The following SORBS2 variants were observed in gnomAD, a reference collection of about 807,000 sequenced individuals.
The protein encoded by SORBS2 is sorbin and SH3 domain containing 2.
SORBS2 carries 46 observed loss-of-function variants against 97.7 expected under a neutral mutation model. The ratio of observed to expected loss-of-function variants is 0.47; its 90% CI spans 0.37 to 0.60. The LOEUF (loss-of-function observed/expected upper bound fraction) is 0.60, where lower values mean the gene tolerates loss of function less well. Among genes scored for constraint, SORBS2 ranks in the 20% least tolerant of loss-of-function variants. The pLI, the probability that SORBS2 is intolerant of heterozygous loss-of-function variation, is 0.00. For synonymous variants in SORBS2, 476 were observed against 473.4 expected (o/e 1.01, Z -0.07); for missense variants, 1,316 against 1,282.3 (o/e 1.03, Z -0.40).
chr4:185,779,605 C>T lies in SORBS2; in HGVS notation c.-337-4239G>A, dbSNP rs78917962. On this transcript the variant is annotated intron_variant, in intron 1 of 20. Coordinates refer to the SORBS2 transcript ENST00000284776. ...ACAGAATTCTCAATTGATTCCTCAT[C>T]GCTTCCTATTATTTGAGAGGATCCC... is the stretch of plus-strand genomic sequence containing the variant. Among the ~76,000 whole-genome samples the T allele has an allele frequency of 9.6e-3, 1,468 of 152,260 alleles. 7 individuals carry two copies. The highest frequency in any genetic ancestry group is 0.02 in the Middle Eastern group (6 of 294).
intron 1 of SORBS2, among the ~76,000 whole-genome samples, chr4:185,779,322 T>C (rs563640054): frequency 1.3e-5 from 2 of 152,296 alleles, no homozygotes; most frequent in East Asian, 3.9e-4. Flanking sequence ...CCTTTTTTTA[T>C]TGGGTTGTTG....
chr4:185,915,966 G>C (rs1362272921), intron 1 of SORBS2, among the ~76,000 whole-genome samples: 1 of 152,198 alleles, frequency 6.6e-6, no homozygotes, highest in Non-Finnish European at 1.5e-5. Flanking sequence ...GGAAGAAGCA[G>C]CATAAGCAAA....
intron 1 of SORBS2, among the ~76,000 whole-genome samples, chr4:185,920,689 T>C (rs2099260553): frequency 1.3e-5 from 2 of 152,232 alleles, no homozygotes; most frequent in African/African-American, 2.4e-5. Context: ...AAATAGTGTA[T>C]CTGCGAATTT....
At chr4:185,764,168 T>C (rs2098920874) in intron 2 of SORBS2, among the ~76,000 whole-genome samples, 1 of 152,206 alleles carries the variant, frequency 6.6e-6, no homozygotes, top group Admixed American at 6.5e-5. Flanking sequence ...ATATCACTGC[T>C]CTCCATAGTC....
At chr4:185,656,762 G>A in exon 1 of SORBS2, 1 of 1,516,814 alleles carries the variant, frequency 6.6e-7, no homozygotes, top group Non-Finnish European at 8.8e-7. Context: ...TTGCCGGAAG[G>A]GGCTGCCCAG....
At chr4:185,649,555 A>T in exon 3 of SORBS2, 2 of 1,606,638 alleles carry the variant, frequency 1.2e-6, no homozygotes, top group Non-Finnish European at 1.7e-6. Flanking sequence ...GCATCCTTAA[A>T]GGCATTGGGG....
chr4:185,614,919 G>A (rs2096605110), exon 11 of SORBS2: 2 of 1,614,040 alleles, frequency 1.2e-6, no homozygotes, highest in Admixed American at 1.7e-5. Context: ...GGCTGGCGGA[G>A]GTGGTCTTGC....
intron 1 of SORBS2, among the ~76,000 whole-genome samples, chr4:185,939,012 C>A (rs1033924301): frequency 6.6e-6 from 1 of 152,188 alleles, no homozygotes; most frequent in African/African-American, 2.4e-5. Flanking sequence ...AACAGATTTC[C>A]CGATAAATAC....
At chr4:185,927,346 T>C (rs2099264224) in intron 1 of SORBS2, among the ~76,000 whole-genome samples, 1 of 152,096 alleles carries the variant, frequency 6.6e-6, no homozygotes. Context: ...AGTATACACA[T>C]GCCATGGCGG....
chr4:185,794,659 G>A (rs1305683856), intron 1 of SORBS2, among the ~76,000 whole-genome samples: 1 of 152,014 alleles, frequency 6.6e-6, no homozygotes, highest in African/African-American at 2.4e-5. Context: ...ATGACAAGGT[G>A]TGGAGAAAGA....
chr4:185,867,252 C>A (rs1002426601), intron 1 of SORBS2, among the ~76,000 whole-genome samples: 2 of 152,150 alleles, frequency 1.3e-5, no homozygotes, highest in Admixed American at 6.5e-5. Context: ...CCTCGTGATC[C>A]GCCCGCCTCA....
chr4:185,930,396 G>A (rs765509214), intron 1 of SORBS2, among the ~76,000 whole-genome samples: 53 of 152,080 alleles, frequency 3.5e-4, no homozygotes, highest in Non-Finnish European at 6.3e-4. Flanking sequence ...CCGGGTTCAC[G>A]CTATTCTCCT....
Position 185,861,487 on chromosome 4 carries a change from G to A in SORBS2, c.-337-86121C>T, listed in dbSNP as rs930888087. On this transcript the variant is annotated intron_variant, in intron 1 of 20. Transcript: ENST00000284776. ...GAAGGATTCAAATGATGAGGCTGGA[G>A]GAGGAGAAAGAAGGCAGGCAGCTAA... 2.6e-5 allele frequency among the ~76,000 whole-genome samples: 4 copies of A among 152,130 alleles called. No individual in the cohort carries two copies. In the South Asian group the frequency reaches 6.2e-4, roughly 24 times the overall value.
intron 4 of SORBS2, among the ~76,000 whole-genome samples, chr4:185,671,990 G>T (rs548184227): frequency 1.3e-5 from 2 of 152,180 alleles, no homozygotes; most frequent in Admixed American, 1.3e-4. Flanking sequence ...ATATGCATGC[G>T]CATGCACAGA....
intron 1 of SORBS2, among the ~76,000 whole-genome samples, chr4:185,882,621 G>T (rs2099237437): frequency 6.6e-6 from 1 of 152,126 alleles, no homozygotes; most frequent in South Asian, 2.1e-4. Context: ...TAGAAGACTA[G>T]AATTGTCCAA....
chr4:185,674,749 T>C (rs2097768640), intron 4 of SORBS2, among the ~76,000 whole-genome samples: 2 of 152,104 alleles, frequency 1.3e-5, no homozygotes, highest in African/African-American at 4.8e-5. Flanking sequence ...CCCAGCATGA[T>C]CAACCTCAAA....
intron 1 of SORBS2, among the ~76,000 whole-genome samples, chr4:185,872,676 A>T (rs993718546): frequency 1.3e-5 from 2 of 152,236 alleles, no homozygotes; most frequent in Non-Finnish European, 2.9e-5. Flanking sequence ...AAAATGATTT[A>T]TAGATTAATT....
intron 1 of SORBS2, among the ~76,000 whole-genome samples, chr4:185,937,854 A>G (rs1303947793): frequency 1.3e-5 from 2 of 152,184 alleles, no homozygotes; most frequent in South Asian, 4.2e-4. Flanking sequence ...TGTGCTATGT[A>G]AGTGGAGAAT....
intron 1 of SORBS2, among the ~76,000 whole-genome samples, chr4:185,948,454 T>C (rs2099275580): frequency 6.6e-6 from 1 of 151,936 alleles, no homozygotes; most frequent in South Asian, 2.1e-4. Flanking sequence ...ACTCCAGTAG[T>C]TCATAAATGT....
Sources: allele counts gnomAD v4.1 joint callset (sites outside exome capture counted in the v4.1 genomes callset), GRCh38; gene constraint gnomAD v4.1.1; transcripts MANE v1.5; gene names NCBI Gene and HGNC (gene_info 2026-07-23, HGNC 2026-07-21).